Variants in TARS3 observed in about 807,000 individuals in gnomAD.
The protein encoded by TARS3 is threonyl-tRNA synthetase 3, also known as threonine--tRNA ligase 2, cytoplasmic.
A neutral mutation model predicts 103.5 loss-of-function variants in TARS3; 94 were observed. The observed-to-expected ratio is 0.91, with a 90% CI of 0.77 to 1.08. The LOEUF (loss-of-function observed/expected upper bound fraction) is 1.08, where lower values mean the gene tolerates loss of function less well. TARS3 is among the 50% of genes least tolerant of loss of function. TARS3 has a pLI of 0.00. For synonymous variants in TARS3, 416 were observed against 355.4 expected (o/e 1.17, Z -1.92); for missense variants, 952 against 995.2 (o/e 0.96, Z 0.58).
At chr15:101,686,212 C>T in intron 10 of TARS3, 150 bp from the exon 11 acceptor site, 1 of 632,880 alleles carries the variant, frequency 1.6e-6, no homozygotes, top group Non-Finnish European at 2.6e-6. Flanking sequence ...GTGGTGGTTT[C>T]TGGATCTTGG....
At chr15:101,684,366 G>T in intron 11 of TARS3, 129 bp from the exon 12 acceptor site, 1 of 905,190 alleles carries the variant, frequency 1.1e-6, no homozygotes, top group South Asian at 2.8e-5. Flanking sequence ...AGATCACCAG[G>T]TTAAAAAAAA....
intron 10 of TARS3, among the ~76,000 whole-genome samples, chr15:101,697,296 C>T (rs1899026821): frequency 1.3e-5 from 2 of 152,060 alleles, no homozygotes; most frequent in African/African-American, 4.8e-5. Flanking sequence ...GCTTTGGGGC[C>T]AGGTGGTGGG....
At chr15:101,666,054 A>G (rs904694855) in intron 15 of TARS3, among the ~76,000 whole-genome samples, 9 of 152,212 alleles carry the variant, frequency 5.9e-5, no homozygotes, top group African/African-American at 2.2e-4. Flanking sequence ...TAATGTTCTA[A>G]TATTTACCTC....
chr15:101,661,217 C>T (rs1368602807), intron 16 of TARS3, among the ~76,000 whole-genome samples: 2 of 151,968 alleles, frequency 1.3e-5, no homozygotes, highest in East Asian at 1.9e-4. Flanking sequence ...CCTAAATGGG[C>T]TGTGCTGCTG....
chr15:101,724,269 G>A lies in TARS3; in HGVS notation c.119C>T (p.Pro40Leu). ...ERLRDEQLNA[P>L]YSCQAEGPCL... ...CGGCCCCTCCGCCTGGCAGCTGTAGGGCGCGTTCAGCTGCTCGTCCCTCAG... is the reference window on the plus strand; with the variant it reads ...CGGCCCCTCCGCCTGGCAGCTGTAGAGCGCGTTCAGCTGCTCGTCCCTCAG... Residue 40 changes from proline to leucine, a missense_variant, in exon 1 of 19, where the codon CCC (proline) becomes CTC (leucine). This residue lies in a region of TARS3 where 412 missense variants were observed against 364.2 expected (regional missense o/e 1.13). Transcript: ENST00000335968. 1 of 1,570,954 alleles carries A rather than the reference G, an allele frequency of 6.4e-7. No individual in the cohort carries two copies. The highest frequency in any genetic ancestry group is 8.6e-7 in the Non-Finnish European group (1 of 1,164,898).
intron 4 of TARS3, among the ~76,000 whole-genome samples, chr15:101,712,683 G>A (rs766523155): frequency 6.6e-6 from 1 of 152,110 alleles, no homozygotes; most frequent in Non-Finnish European, 1.5e-5. Flanking sequence ...GAGTTCCCAA[G>A]GAATTCATTT....
chr15:101,717,465 G>A (rs1418983656), intron 3 of TARS3, among the ~76,000 whole-genome samples: 3 of 151,948 alleles, frequency 2.0e-5, no homozygotes, highest in Non-Finnish European at 2.9e-5. Flanking sequence ...TTCGCAAACC[G>A]ATTCTGCCCT....
chr15:101,714,308 G>T (rs758725549), intron 4 of TARS3, among the ~76,000 whole-genome samples: 12 of 152,010 alleles, frequency 7.9e-5, no homozygotes, highest in Non-Finnish European at 1.3e-4. Flanking sequence ...AATGATTATT[G>T]TAAGAAATGA....
rs1333554928 is a variant in TARS3 at position 101,724,196 on chromosome 15, C to G, written c.192G>C (p.Leu64=). The change falls in exon 1 of 19, where the codon CTG becomes CTC. Residue 64 remains leucine, a synonymous_variant. Coordinates refer to ENST00000335968, the MANE Select transcript of TARS3 (RefSeq NM_152334.3). ...GCCGCAGGCTGCACAGGCGGTGGCG[C>G]AGGTCGCAGTTCTCGGCCCGGAGCT... ...VAQLRAENCD[L]RHRLCSLRLC... is the part of the protein sequence containing the mutation. 1.3e-6 allele frequency: 2 copies of G among 1,522,624 alleles called. No homozygotes were observed. Among genetic ancestry groups the G allele is most frequent in the Non-Finnish European group, 1.8e-6 (2 of 1,141,282 alleles). The allele number at this position is 1,522,624 out of a possible 1,614,324, so 94.3% of individuals were successfully genotyped here.
chr15:101,720,752 G>A (rs1000916137), intron 3 of TARS3, among the ~76,000 whole-genome samples: 9 of 152,192 alleles, frequency 5.9e-5, no homozygotes, highest in Admixed American at 1.3e-4. Flanking sequence ...AAGGGACCCA[G>A]TGGGAGGTAA....
rs776471746 is a variant in TARS3, at chr15:101,703,909, C to G, written c.1024G>C (p.Gly342Arg). The G allele has an allele frequency of 6.2e-7, 1 of 1,613,092 alleles. No homozygotes were observed. The change falls in exon 8 of 19, where the codon GGT becomes CGT. Residue 342 changes from glycine to arginine, a missense_variant. Physicochemically the swap from Gly to Arg is moderately radical, Grantham distance 125. This residue lies in a region of TARS3 where 540 missense variants were observed against 631.0 expected (regional missense o/e 0.86). Coordinates refer to ENST00000335968, the MANE Select transcript of TARS3 (RefSeq NM_152334.3). ...TTTCCAGTGTGTCTTACATGTGGAC[C>G]TTTGCAAAGGTCAATTAATGGACCG... ...RCGPLIDLCK[G>R]PHVRHTGKIK... is the part of the protein sequence containing the mutation.
Position 101,723,102 on chromosome 15 carries a change from A to G in TARS3, c.360T>C (p.Ala120=), listed in dbSNP as rs763677893. The G allele has an allele frequency of 2.5e-6, 4 of 1,614,066 alleles. No individual in the cohort carries two copies. The highest frequency in any genetic ancestry group is 2.5e-6 in the Non-Finnish European group (3 of 1,180,024). ...CACAGCAACAACTTACCTCGCTGTC[A>G]GCCTCGCTTTCCTTCATTTTCTTCT... ...MKKKKMKESE[A]DSEVKHQPIF... The change falls in exon 2 of 19, where the codon GCT becomes GCC. Residue 120 remains alanine (A), a synonymous_variant. Transcript: ENST00000335968.
chr15:101,705,835 G>T, intron 6 of TARS3, 88 bp from the exon 7 acceptor site: 1 of 1,087,752 alleles, frequency 9.2e-7, no homozygotes, highest in Admixed American at 2.0e-5. Context: ...ACATTGAAAG[G>T]TCATCTACTG....
chr15:101,658,099 GCATGCACT>G (rs1897250824), intron 16 of TARS3, among the ~76,000 whole-genome samples: 1 of 152,178 alleles, frequency 6.6e-6, no homozygotes, highest in Non-Finnish European at 1.5e-5. Context: ...AAAGGGCTGA[GCATGCACT>G]TACTGTCTGC....
At chr15:101,674,639 T>C (rs1020785542) in intron 13 of TARS3, among the ~76,000 whole-genome samples, 1 of 151,934 alleles carries the variant, frequency 6.6e-6, no homozygotes, top group Non-Finnish European at 1.5e-5. Context: ...GCCCTGTCTC[T>C]GCTAAAAATA....
In TARS3 at chr15:101,723,114, C is replaced by T; in HGVS notation, c.348G>A (p.Lys116=). Residue 116 remains lysine, a synonymous_variant, in exon 2 of 19, where the codon AAG becomes AAA. Coordinates refer to ENST00000335968, the MANE Select transcript of TARS3 (RefSeq NM_152334.3). Reference sequence around the variant, plus strand: ...TTACCTCGCTGTCAGCCTCGCTTTCCTTCATTTTCTTCTTTTTCATGTCCT... The same window carrying T: ...TTACCTCGCTGTCAGCCTCGCTTTCTTTCATTTTCTTCTTTTTCATGTCCT... ...QDKDMKKKKM[K]ESEADSEVKH... 1 of 1,614,096 alleles carries T rather than the reference C, an allele frequency of 6.2e-7. No homozygotes were observed. The highest frequency in any genetic ancestry group is 1.1e-5 in the South Asian group (1 of 91,070).
chr15:101,690,317 AAT>A (rs997033455), intron 10 of TARS3, among the ~76,000 whole-genome samples: 5 of 152,214 alleles, frequency 3.3e-5, no homozygotes, highest in African/African-American at 9.6e-5. Context: ...TATTTTATAA[AAT>A]ATATACTTTT....
At chr15:101,704,535 A>G (rs796182331) in intron 7 of TARS3, among the ~76,000 whole-genome samples, 16 of 152,048 alleles carry the variant, frequency 1.1e-4, no homozygotes, top group African/African-American at 3.9e-4. Context: ...GGCGCCTGTA[A>G]TCCCAGCTAC....
At chr15:101,670,977 G>A (rs1433721417) in intron 15 of TARS3, among the ~76,000 whole-genome samples, 1 of 152,152 alleles carries the variant, frequency 6.6e-6, no homozygotes, top group Non-Finnish European at 1.5e-5. Context: ...GCAGCCAGGG[G>A]TTAGGAGTAG....
Sources: allele counts gnomAD v4.1 joint callset (sites outside exome capture counted in the v4.1 genomes callset), GRCh38; gene constraint gnomAD v4.1.1; regional missense constraint gnomAD v4.1.1; transcripts MANE v1.5; gene names NCBI Gene and HGNC (gene_info 2026-07-23, HGNC 2026-07-21).